The following JAK1 variants were observed in gnomAD, a reference collection of about 807,000 sequenced individuals.
JAK1 encodes the protein tyrosine-protein kinase JAK1.
Under a neutral mutation model 136.6 loss-of-function variants are expected in JAK1, and 16 were observed. The ratio of observed to expected loss-of-function variants is 0.12; its 90% CI spans 0.08 to 0.18. JAK1 has a LOEUF of 0.18. Among genes scored for constraint, JAK1 ranks in the 10% least tolerant of loss-of-function variants. The pLI is 1.00. For synonymous variants in JAK1, 492 were observed against 519.5 expected (o/e 0.95, Z 0.72); for missense variants, 859 against 1,450.1 (o/e 0.59, Z 6.62).
At chr1:64,941,864 C>T (rs1229721057) in intron 1 of JAK1, 1 of 152,150 alleles carries the variant, frequency 6.6e-6, no homozygotes, top group African/African-American at 2.4e-5. Flanking sequence ...CTAGGAGAAG[C>T]AGGGAAGATT....
chr1:64,860,964 G>GTGTGTGTGTGTGTA (rs1339835277), intron 8 of JAK1, among the ~76,000 whole-genome samples: 1 of 132,606 alleles, frequency 7.5e-6, no homozygotes, highest in African/African-American at 2.9e-5. Context: ...GTGTGTGTGT[G>GTGTGTGTGTGTGTA]TGTATGTGTG....
At chr1:65,016,387 C>G (rs1646892366) in intron 2 of JAK1, among the ~76,000 whole-genome samples, 13 of 151,908 alleles carry the variant, frequency 8.6e-5, no homozygotes, top group Admixed American at 8.5e-4. Flanking sequence ...GTTGGGAGGC[C>G]TAGGAGGGCA....
intron 2 of JAK1, among the ~76,000 whole-genome samples, chr1:65,034,540 A>T (rs1647052955): frequency 6.6e-6 from 1 of 152,200 alleles, no homozygotes; most frequent in East Asian, 1.9e-4. Flanking sequence ...ACATTAATCT[A>T]GTTGTTAGAA....
intron 1 of JAK1, among the ~76,000 whole-genome samples, chr1:65,056,709 G>A (rs527436803): frequency 1.3e-5 from 2 of 152,108 alleles, no homozygotes; most frequent in East Asian, 3.9e-4. Flanking sequence ...AGAATCACTT[G>A]AGGACAGGAG....
upstream of JAK1, among the ~76,000 whole-genome samples, chr1:64,966,698 C>T (rs1569776201): frequency 1.3e-5 from 2 of 151,206 alleles, no homozygotes; most frequent in African/African-American, 2.4e-5. Context: ...CCGGCCTACC[C>T]GCCCCGCCCC....
At chr1:64,970,338 G>C (rs182650772), upstream of JAK1, among the ~76,000 whole-genome samples, 1 of 151,844 alleles carries the variant, frequency 6.6e-6, no homozygotes, top group East Asian at 1.9e-4. Flanking sequence ...CTTCTCGGGA[G>C]GCTGAGGCAG....
intron 1 of JAK1, among the ~76,000 whole-genome samples, chr1:64,950,369 T>C (rs1312778753): frequency 2.0e-5 from 3 of 150,264 alleles, no homozygotes; most frequent in Non-Finnish European, 3.0e-5. Context: ...ATCATGCCAC[T>C]GCACTCCAGC....
chr1:64,981,843 G>A (rs1646548728), intron 2 of JAK1, among the ~76,000 whole-genome samples: 2 of 152,100 alleles, frequency 1.3e-5, no homozygotes, highest in African/African-American at 4.8e-5. Flanking sequence ...TCTTTTCACT[G>A]TCTCACACTC....
At chr1:64,964,531 T>C (rs80354644) in intron 1 of JAK1, among the ~76,000 whole-genome samples, 7,520 of 152,304 alleles carry the variant, frequency 0.049, 402 homozygotes, top group East Asian at 0.26. Flanking sequence ...TTATTTTACC[T>C]ATATCTAATT....
chr1:64,879,326 A>T (rs543541633), intron 3 of JAK1, among the ~76,000 whole-genome samples, 178 bp from the exon 4 acceptor site: 1 of 152,332 alleles, frequency 6.6e-6, no homozygotes, highest in East Asian at 1.9e-4. Context: ...TTTTGATCAT[A>T]ATCATCAAGA....
intron 2 of JAK1, among the ~76,000 whole-genome samples, chr1:65,004,931 A>G (rs1336619188): frequency 6.6e-6 from 1 of 152,186 alleles, no homozygotes; most frequent in East Asian, 1.9e-4. Flanking sequence ...GTGGGGATGT[A>G]TACTAATGTC....
chr1:64,843,436 C>G (rs997647200), intron 17 of JAK1, among the ~76,000 whole-genome samples: 1 of 152,186 alleles, frequency 6.6e-6, no homozygotes, highest in Non-Finnish European at 1.5e-5. Flanking sequence ...CACACCTCGC[C>G]TGTTTTGCAT....
At chr1:64,944,023 C>T (rs1321527343) in intron 1 of JAK1, among the ~76,000 whole-genome samples, 1 of 151,528 alleles carries the variant, frequency 6.6e-6, no homozygotes, top group Admixed American at 6.6e-5. Context: ...GAGATCAAGA[C>T]CATGCTGGCT....
chr1:64,914,885 CAACTAT>C (rs2100319481), intron 1 of JAK1, among the ~76,000 whole-genome samples: 1 of 152,262 alleles, frequency 6.6e-6, no homozygotes, highest in East Asian at 1.9e-4. Context: ...ATTTAAAACA[CAACTAT>C]AACTATAGTA....
chr1:64,835,904 G>A lies in JAK1; in HGVS notation c.3258+194C>T, dbSNP rs547070090. 1.1e-4 allele frequency among the ~76,000 whole-genome samples: 16 copies of A among 152,202 alleles called. No homozygotes were observed. In the East Asian group the frequency reaches 2.3e-3, roughly 22 times the overall value. On this transcript the variant is annotated intron_variant, in intron 23 of 24. Coordinates refer to ENST00000342505, the MANE Select transcript of JAK1 (RefSeq NM_002227.4). ...AGTCAAGGTCATCCTATAGAACTCC[G>A]GGCTCGTTGTGAAAGCAAGACTTTA...
intron 1 of JAK1, among the ~76,000 whole-genome samples, chr1:64,915,968 G>A (rs553953118): frequency 6.0e-4 from 91 of 152,290 alleles, no homozygotes; most frequent in African/African-American, 1.6e-3. Context: ...GTGAGAGACT[G>A]GAATACTGTC....
intron 1 of JAK1, among the ~76,000 whole-genome samples, chr1:64,937,772 T>C (rs1384525656): frequency 7.2e-5 from 11 of 152,314 alleles, no homozygotes; most frequent in South Asian, 4.1e-4. Flanking sequence ...AACTGAACAT[T>C]TGATATTCTA....
At chr1:64,932,458 G>A (rs895752152) in intron 1 of JAK1, among the ~76,000 whole-genome samples, 4 of 152,074 alleles carry the variant, frequency 2.6e-5, no homozygotes, top group African/African-American at 9.7e-5. Context: ...ATTCATAAAA[G>A]CAGTAATTAA....
chr1:64,854,090 G>A (rs1025391351), intron 11 of JAK1, among the ~76,000 whole-genome samples: 1 of 152,184 alleles, frequency 6.6e-6, no homozygotes, highest in Non-Finnish European at 1.5e-5. Context: ...TATTCTCTGA[G>A]CCTGGCAGGA....
Sources: gnomAD v4.1 joint callset for allele counts (sites outside exome capture counted in the v4.1 genomes callset) on GRCh38, gnomAD v4.1.1 for gene constraint, MANE v1.5 for transcripts, NCBI Gene and HGNC (gene_info 2026-07-23, HGNC 2026-07-21) for gene names.